The following TPH2 variants were observed in gnomAD, a reference collection of about 807,000 sequenced individuals.
The protein encoded by TPH2 is tryptophan hydroxylase 2.
A neutral mutation model predicts 59.1 loss-of-function variants in TPH2; 27 were observed. The observed-to-expected ratio is 0.46, with a 90% CI of 0.34 to 0.63. The LOEUF is 0.63. TPH2 is among the 30% of genes least tolerant of loss of function. The pLI is 0.01. For missense variants in TPH2, 523 were observed against 588.3 expected (o/e 0.89, Z 1.15); for synonymous variants, 220 against 210.5 (o/e 1.05, Z -0.39).
intron 8 of TPH2, among the ~76,000 whole-genome samples, chr12:71,995,961 C>G (rs1166570151): frequency 2.0e-5 from 3 of 152,190 alleles, no homozygotes; most frequent in Non-Finnish European, 4.4e-5. Context: ...TATTGGCTAT[C>G]CATCACGATA....
chr12:71,987,081 T>G (rs1453548829), intron 7 of TPH2, among the ~76,000 whole-genome samples: 1 of 152,186 alleles, frequency 6.6e-6, no homozygotes, highest in Non-Finnish European at 1.5e-5. Context: ...TCATCTCTAT[T>G]AGGTGGACAG....
intron 1 of TPH2, 74 bp downstream of exon 1, chr12:71,939,165 C>A (rs1207880293): frequency 2.6e-6 from 3 of 1,159,902 alleles, no homozygotes; most frequent in East Asian, 4.9e-5. Flanking sequence ...CCATATGAAT[C>A]CCTTTTGTAG....
At chr12:72,025,449 G>C (rs1487023587) in intron 9 of TPH2, among the ~76,000 whole-genome samples, 2 of 152,152 alleles carry the variant, frequency 1.3e-5, no homozygotes, top group South Asian at 2.1e-4. Flanking sequence ...GTTCTTTAGA[G>C]CTGGCCAAGT....
intron 7 of TPH2, among the ~76,000 whole-genome samples, chr12:71,989,595 T>A (rs1872531257): frequency 6.6e-6 from 1 of 152,210 alleles, no homozygotes; most frequent in African/African-American, 2.4e-5. Flanking sequence ...TGTGCAGATT[T>A]TGGATGGGAA....
intron 4 of TPH2, among the ~76,000 whole-genome samples, chr12:71,948,093 T>G (rs1044404017): frequency 6.6e-6 from 1 of 152,192 alleles, no homozygotes; most frequent in Non-Finnish European, 1.5e-5. Flanking sequence ...TGACTGCATC[T>G]ACCCTCTCCA....
Position 71,944,346 on chromosome 12 carries a change from G to A in TPH2, c.308G>A (p.Ser103Asn). Residue 103 changes from serine (S) to asparagine (N), a missense_variant, in exon 3 of 11, where the codon AGT becomes AAT. Transcript: ENST00000333850. Reference sequence around the variant, plus strand: ...GAATCCAGGAAATCTCGGCGAAGAAGTTCTGAGGTTGAAATCTTTGTGGAC... The same window carrying A: ...GAATCCAGGAAATCTCGGCGAAGAAATTCTGAGGTTGAAATCTTTGTGGAC... ...HIESRKSRRRSSEVEIFVDCE... is the reference protein window; with the variant it reads ...HIESRKSRRRNSEVEIFVDCE... The A allele has an allele frequency of 1.2e-6, 2 of 1,613,892 alleles. No individual in the cohort carries two copies. The highest frequency in any genetic ancestry group is 1.6e-4 in the Middle Eastern group (1 of 6,062).
intron 8 of TPH2, among the ~76,000 whole-genome samples, chr12:72,020,203 G>A (rs1458945400): frequency 2.0e-5 from 3 of 152,174 alleles, no homozygotes; most frequent in Non-Finnish European, 4.4e-5. Context: ...TAGAGATGCT[G>A]CTAAACATCC....
chr12:71,953,641 T>G (rs1871413615), intron 5 of TPH2, among the ~76,000 whole-genome samples: 1 of 152,204 alleles, frequency 6.6e-6, no homozygotes, highest in Admixed American at 6.5e-5. Context: ...CTCATTTAAG[T>G]GTGCAACAAC....
intron 9 of TPH2, among the ~76,000 whole-genome samples, chr12:72,025,900 T>C (rs1592417976): frequency 6.6e-6 from 1 of 152,218 alleles, no homozygotes; most frequent in Non-Finnish European, 1.5e-5. Flanking sequence ...ATTATTTGCT[T>C]GCTTATTCAT....
In TPH2 at chr12:71,963,635, C is replaced by A; in HGVS notation, c.609-8884C>A. Among the ~76,000 whole-genome samples, 2 of 47,804 alleles carry A rather than the reference C, an allele frequency of 4.2e-5. 1 individual carries two copies. The highest frequency in any genetic ancestry group is 1.0e-4 in the Non-Finnish European group (2 of 19,468). 31.4% of individuals were successfully genotyped at this position (47,804 alleles called of 152,430 possible). A position where few individuals can be genotyped will look rare whatever the true frequency, so the allele number is the denominator to read the frequency against. On this transcript the variant is annotated intron_variant, in intron 5 of 10. Coordinates refer to ENST00000333850, the MANE Select transcript of TPH2 (RefSeq NM_173353.4). ...ACCAGCCTGGCCAATATGGTGAAAC[C>A]CTGTCTCTACTAAAAATACAAAAAT... is the stretch of plus-strand genomic sequence containing the variant.
chr12:71,994,718 A>G (rs548904952), intron 8 of TPH2, among the ~76,000 whole-genome samples, 153 bp downstream of exon 8: 6 of 152,320 alleles, frequency 3.9e-5, no homozygotes, highest in South Asian at 2.1e-4. Flanking sequence ...TTGAAGCACA[A>G]TGAGTTATCA....
At chr12:72,016,508 C>T (rs996647210) in intron 8 of TPH2, among the ~76,000 whole-genome samples, 3 of 152,016 alleles carry the variant, frequency 2.0e-5, no homozygotes, top group African/African-American at 7.2e-5. Flanking sequence ...AAGTGAAGTA[C>T]ACCCAATTTA....
Position 71,944,519 on chromosome 12 carries a change from C to T in TPH2, c.439+42C>T, listed in dbSNP as rs1233687580. ...CTTGTCGGGTAACTTTGCAATCTGA[C>T]AAATATTGCAAAGGGGAAAACACAA... On this transcript the variant is annotated intron_variant, in intron 3 of 10. Coordinates refer to ENST00000333850, the MANE Select transcript of TPH2 (RefSeq NM_173353.4). 5 of 1,612,998 alleles carry T rather than the reference C, an allele frequency of 3.1e-6. No individual in the cohort carries two copies. In the African/African-American group the frequency reaches 6.7e-5, roughly 22 times the overall value.
At chr12:71,996,526 C>G (rs1872698272) in intron 8 of TPH2, among the ~76,000 whole-genome samples, 1 of 152,220 alleles carries the variant, frequency 6.6e-6, no homozygotes, top group South Asian at 2.1e-4. Context: ...GCATTTCAAA[C>G]TTGCCTTGAA....
intron 8 of TPH2, among the ~76,000 whole-genome samples, chr12:72,009,374 C>T (rs1032970066): frequency 6.6e-6 from 1 of 152,184 alleles, no homozygotes; most frequent in African/African-American, 2.4e-5. Context: ...TTCAAGTCAT[C>T]ATCCTTTATT....
chr12:72,023,710 T>C (rs933184045), intron 9 of TPH2, among the ~76,000 whole-genome samples: 5 of 149,868 alleles, frequency 3.3e-5, no homozygotes, highest in Non-Finnish European at 7.4e-5. Context: ...GTACCTGTAA[T>C]CCCAGCTACT....
intron 5 of TPH2, among the ~76,000 whole-genome samples, chr12:71,958,994 G>T (rs1173741837): frequency 6.6e-6 from 1 of 151,448 alleles, no homozygotes; most frequent in Non-Finnish European, 1.5e-5. Context: ...GAGAGACAGA[G>T]AATTTTCTCC....
intron 8 of TPH2, among the ~76,000 whole-genome samples, chr12:72,020,616 G>A (rs11179057): frequency 0.53 from 80,073 of 151,862 alleles, 22,410 homozygotes; most frequent in Non-Finnish European, 0.64. Flanking sequence ...AGTCTCCTGG[G>A]TAGCTAGGAT....
chr12:71,979,168 G>A, intron 7 of TPH2, 81 bp downstream of exon 7: 1 of 1,576,978 alleles, frequency 6.3e-7, no homozygotes, highest in South Asian at 1.1e-5. Flanking sequence ...CTTAGGCCCT[G>A]TTTTACCTCC....
Sources: gnomAD v4.1 joint callset for allele counts (sites outside exome capture counted in the v4.1 genomes callset) on GRCh38, gnomAD v4.1.1 for gene constraint, MANE v1.5 for transcripts, NCBI Gene and HGNC (gene_info 2026-07-23, HGNC 2026-07-21) for gene names.